CIROP: variants seen among roughly 807,000 people sequenced by gnomAD.
The protein encoded by CIROP is ciliated left-right organizer metallopeptidase, also known as leishmanolysin homolog.
At chr14:23,099,616 G>A in the CIROP span, 2 of 383,736 alleles carry the variant, frequency 5.2e-6, no homozygotes, top group African/African-American at 4.4e-5. Context: ...CTGGAGTGCA[G>A]TGGTGTGATC....
the CIROP span, chr14:23,101,293 T>C: frequency 2.0e-6 from 1 of 496,756 alleles, no homozygotes; most frequent in East Asian, 3.1e-5. Flanking sequence ...GGTACCCACC[T>C]GTATAACCTT....
the CIROP span, chr14:23,103,273 G>T: frequency 7.4e-5 from 30 of 402,722 alleles, no homozygotes; most frequent in Admixed American, 1.1e-3. Context: ...TTTTGGCTGG[G>T]CATGGTGGCT....
At chr14:23,102,434 T>C in the CIROP span, 3 of 702,866 alleles carry the variant, frequency 4.3e-6, no homozygotes, top group African/African-American at 5.2e-5. Flanking sequence ...TGAGAAGCAG[T>C]TGTCCCCACT....
the CIROP span, chr14:23,102,536 G>A: frequency 1.4e-6 from 1 of 699,250 alleles, no homozygotes; most frequent in Admixed American, 2.0e-5. Context: ...AACTTAGGAA[G>A]GGTGAAGTAA....
At chr14:23,103,129 T>C in the CIROP span, 11 of 451,892 alleles carry the variant, frequency 2.4e-5, 1 homozygote, top group East Asian at 3.6e-4. Flanking sequence ...CCTCTGAAAA[T>C]GGAGGACCAG....
At chr14:23,102,650 C>G in the CIROP span, 1 of 703,010 alleles carries the variant, frequency 1.4e-6, no homozygotes, top group Non-Finnish European at 2.6e-6. Context: ...GAGGGGCAGT[C>G]TCGCCATTTC....
At chr14:23,103,060 G>A in the CIROP span, 71 of 521,106 alleles carry the variant, frequency 1.4e-4, 2 homozygotes, top group South Asian at 2.0e-3. Context: ...GGCTGTGGAT[G>A]GGCCAGGACA....
At chr14:23,103,621 G>T in the CIROP span, 1 of 681,040 alleles carries the variant, frequency 1.5e-6, no homozygotes, top group South Asian at 1.5e-5. Context: ...CCCTCCTCAT[G>T]AGATTTAAGA....
chr14:23,104,413 C>G, the CIROP span: 1 of 703,026 alleles, frequency 1.4e-6, no homozygotes, highest in African/African-American at 1.7e-5. Flanking sequence ...TCTGGGTCTC[C>G]CCAGACAGCG....
the CIROP span, chr14:23,100,584 G>A: frequency 2.5e-6 from 1 of 403,880 alleles, no homozygotes; most frequent in Non-Finnish European, 4.4e-6. Flanking sequence ...AGGGCCTTGT[G>A]CAGTGTAGCA....
At chr14:23,101,242 C>A in the CIROP span, 1 of 449,126 alleles carries the variant, frequency 2.2e-6, no homozygotes, top group South Asian at 6.8e-5. Context: ...CAAGTATTTC[C>A]CGACTTCTTT....
At chr14:23,102,797 C>A in the CIROP span, 3 of 690,780 alleles carry the variant, frequency 4.3e-6, no homozygotes, top group Non-Finnish European at 7.9e-6. Context: ...GCCCAATCAG[C>A]TCTTCCTAGA....
the CIROP span, chr14:23,100,665 G>T: frequency 7.5e-6 from 3 of 398,912 alleles, no homozygotes; most frequent in South Asian, 3.8e-4. Flanking sequence ...GTAATTGATG[G>T]GCCATGGAAA....
chr14:23,100,712 A>G, the CIROP span: 1 of 398,864 alleles, frequency 2.5e-6, no homozygotes, highest in Non-Finnish European at 4.4e-6. Context: ...TTTAATAGAG[A>G]TATAGTTCCT....
the CIROP span, chr14:23,104,241 AC>A: frequency 1.5e-6 from 1 of 654,914 alleles, no homozygotes; most frequent in Non-Finnish European, 2.8e-6. Flanking sequence ...ACTCAATCTC[AC>A]CTTTGCCCCC....
At chr14:23,099,557 C>CTT in the CIROP span, 13,953 of 305,074 alleles carry the variant, frequency 0.046, 41 homozygotes, top group East Asian at 0.059. Context: ...GCGGCATTAC[C>CTT]TTTTTTTTTT....
the CIROP span, chr14:23,099,645 C>T: frequency 3.7e-5 from 14 of 379,582 alleles, no homozygotes; most frequent in South Asian, 1.5e-4. Flanking sequence ...CCGTAATCTC[C>T]GCCTCCCAGG....
chr14:23,103,714 C>T, the CIROP span: 4 of 702,898 alleles, frequency 5.7e-6, no homozygotes, highest in African/African-American at 5.2e-5. Context: ...CTCGCACATA[C>T]AGGAGAAAAT....
chr14:23,102,247 T>G, the CIROP span: 12 of 702,830 alleles, frequency 1.7e-5, no homozygotes, highest in African/African-American at 7.0e-5. Flanking sequence ...GGCCTCCCAG[T>G]GCGAGGACAG....
Sources: gnomAD v4.1 joint callset for allele counts on GRCh38, gnomAD v4.1.1 for gene constraint, MANE v1.5 for transcripts, NCBI Gene and HGNC (gene_info 2026-07-23, HGNC 2026-07-21) for gene names.